The following C1orf159 variants were observed in gnomAD, a reference collection of about 807,000 sequenced individuals.
The protein encoded by C1orf159 is chromosome 1 open reading frame 159.
A neutral mutation model predicts 25.6 loss-of-function variants in C1orf159; 19 were observed. That is an observed-to-expected ratio of 0.74 (90% CI 0.52 to 1.09). The LOEUF (loss-of-function observed/expected upper bound fraction) is 1.09. Ranked by LOEUF, C1orf159 falls within the 50% of genes least tolerant of loss-of-function variation. The pLI is 0.00. For synonymous variants in C1orf159, 139 were observed against 124.7 expected, an observed-to-expected ratio of 1.12 and a Z score of -0.77; for missense variants, 274 against 290.6, an observed-to-expected ratio of 0.94 and a Z score of 0.42.
chr1:1,087,483 G>GGGAGCCGGGC lies in C1orf159; in HGVS notation c.244+9_244+18dup. 1 of 1,539,016 alleles carries GGGAGCCGGGC rather than the reference G, an allele frequency of 6.5e-7. No individual in the cohort carries two copies. Among genetic ancestry groups the GGGAGCCGGGC allele is most frequent in the African/African-American group, 1.4e-5 (1 of 72,830 alleles). On this transcript the variant is annotated intron_variant, in intron 5 of 9. Transcript: ENST00000421241. This position sits in a 1 kb window ranked among gnomAD's most constrained non-coding sequence, Gnocchi z 8.3. ...CTGGAGCTGTGAGAAGGGAGCCGGG[G>GGGAGCCGGGC]GGAGCCGGGCAGACCTACAGCTTCT...
chr1:1,102,115 G>A (rs1166657671), intron 1 of C1orf159, among the ~76,000 whole-genome samples: 1 of 150,322 alleles, frequency 6.7e-6, no homozygotes, highest in Non-Finnish European at 1.5e-5. Context: ...TGAAGTGATG[G>A]GTCCAGGTGT....
intron 1 of C1orf159, among the ~76,000 whole-genome samples, chr1:1,108,410 T>C (rs1253627887): frequency 9.1e-6 from 1 of 109,380 alleles, no homozygotes; most frequent in Non-Finnish European, 1.8e-5. Context: ...ACAGCCACCA[T>C]GTCTCAGCAG....
At chr1:1,084,626 C>T (rs1645800407) in intron 7 of C1orf159, 120 bp from the exon 8 acceptor site, 5 of 1,316,174 alleles carry the variant, frequency 3.8e-6, no homozygotes, top group Non-Finnish European at 5.2e-6. Flanking sequence ...GTGCGGCGTC[C>T]TCGGAGCAGC....
At position 1,087,861 on chromosome 1, in the gene C1orf159, G is replaced by A. The variant is rs1015643005; in HGVS notation, c.149-264C>T. ...CTCCACGCTGCACTCTCCACGCCGAGCACCCCGGCCCCGAGTACTCCACGC... is the reference window on the plus strand; with the variant it reads ...CTCCACGCTGCACTCTCCACGCCGAACACCCCGGCCCCGAGTACTCCACGC... On this transcript the variant is annotated intron_variant, in intron 4 of 9. Coordinates refer to ENST00000421241, the MANE Select transcript of C1orf159 (RefSeq NM_017891.5). This position sits in a 1 kb window ranked among gnomAD's most constrained non-coding sequence, Gnocchi z 8.3. Among the ~76,000 whole-genome samples, 1 of 149,532 alleles carries A rather than the reference G, an allele frequency of 6.7e-6. No individual in the cohort carries two copies. The highest frequency in any genetic ancestry group is 2.4e-5 in the African/African-American group (1 of 40,834).
chr1:1,115,397 G>A (rs1226550001), intron 1 of C1orf159, among the ~76,000 whole-genome samples: 3 of 152,116 alleles, frequency 2.0e-5, no homozygotes, highest in African/African-American at 2.4e-5. Context: ...CTAGGACACC[G>A]GGGACCGCGC....
At chr1:1,097,777 T>C (rs1175873380) in intron 1 of C1orf159, among the ~76,000 whole-genome samples, 1 of 152,060 alleles carries the variant, frequency 6.6e-6, no homozygotes, top group African/African-American at 2.4e-5. Context: ...TGTCAATCTT[T>C]CCAATCTTTT....
intron 1 of C1orf159, among the ~76,000 whole-genome samples, chr1:1,103,482 A>C (rs1012832345): frequency 6.6e-6 from 1 of 152,230 alleles, no homozygotes; most frequent in African/African-American, 2.4e-5. Flanking sequence ...TCTACTTAGC[A>C]GGCAATTAAT....
chr1:1,093,837 G>A (rs1177908663), intron 1 of C1orf159, among the ~76,000 whole-genome samples: 1 of 152,166 alleles, frequency 6.6e-6, no homozygotes, highest in African/African-American at 2.4e-5. Flanking sequence ...GGAGGTGCAC[G>A]TTTAACTTTC....
intron 8 of C1orf159, 43 bp from the exon 9 acceptor site, chr1:1,084,426 T>G: frequency 6.3e-7 from 1 of 1,583,304 alleles, no homozygotes; most frequent in Non-Finnish European, 8.6e-7. Flanking sequence ...CGGGATGGCC[T>G]GGCACAGGCA....
In C1orf159 at chr1:1,096,859, G is replaced by T. The variant is rs1557428543; in HGVS notation, c.-135-4756C>A. On this transcript the variant is annotated intron_variant, in intron 1 of 9. Coordinates refer to ENST00000421241, the MANE Select transcript of C1orf159 (RefSeq NM_017891.5). ...CCCACCTCAGCCTCCCAAGTAGCTG[G>T]AACACAAGCAAGTGCTGCCACACCT... Among the ~76,000 whole-genome samples the T allele has an allele frequency of 1.3e-5, 2 of 152,146 alleles. 1 individual carries two copies. Among genetic ancestry groups the T allele is most frequent in the South Asian group, 4.1e-4 (2 of 4,828 alleles).
At chr1:1,101,985 T>C (rs192985368) in intron 1 of C1orf159, among the ~76,000 whole-genome samples, 309 of 143,392 alleles carry the variant, frequency 2.2e-3, no homozygotes, top group African/African-American at 7.5e-3. Context: ...GGCAGGAGAA[T>C]CGCTTGAACT....
rs1645754321 is a variant in C1orf159, at chr1:1,082,254, C to T, written c.*639G>A. The stretch of plus-strand genomic sequence containing the variant: ...GAGGACTTTTCTGCACAATGAATTT[C>T]TGCTTAAAAACAGAGATCAAGAGGA... On this transcript the variant is annotated 3_prime_UTR_variant, in exon 10 of 10. Transcript: ENST00000421241. 6.5e-6 allele frequency: 1 copy of T among 153,794 alleles called. No homozygotes were observed. The allele number at this position is 153,794 out of a possible 1,614,324, so 9.5% of individuals were successfully genotyped here. A position where few individuals can be genotyped will look rare whatever the true frequency, so the allele number is the denominator to read the frequency against.
Position 1,109,216 on chromosome 1 carries a change from A to G in C1orf159, c.-136+6844T>C, listed in dbSNP as rs140140398. ...CTACAGTCCTGAAAAGAAATTTTGG[A>G]CGCATGCTACAACAGGAATGAACCT... On this transcript the variant is annotated intron_variant, in intron 1 of 9. Coordinates refer to ENST00000421241, the MANE Select transcript of C1orf159 (RefSeq NM_017891.5). 6.3e-3 allele frequency among the ~76,000 whole-genome samples: 957 copies of G among 152,358 alleles called. 4 individuals carry two copies. The highest frequency in any genetic ancestry group is 0.011 in the Non-Finnish European group (731 of 68,034).
chr1:1,107,445 A>G (rs539976704), intron 1 of C1orf159, among the ~76,000 whole-genome samples: 1 of 152,312 alleles, frequency 6.6e-6, no homozygotes, highest in African/African-American at 2.4e-5. Flanking sequence ...AAACGCACCA[A>G]TCAGCACCTT....
chr1:1,105,805 G>A (rs2100770389), intron 1 of C1orf159, among the ~76,000 whole-genome samples: 1 of 152,276 alleles, frequency 6.6e-6, no homozygotes, highest in East Asian at 1.9e-4. Context: ...ACCTGGGAAG[G>A]TGGAGCTTGC....
At position 1,089,989 on chromosome 1, in the gene C1orf159, C is replaced by T. The variant is rs1000223283; in HGVS notation, c.148+364G>A. ...AGCAGCACCTCTGCCCGAGCACGGACAGGCAAAAATGTCTTGGGCTTTGCC... is the reference window on the plus strand; with the variant it reads ...AGCAGCACCTCTGCCCGAGCACGGATAGGCAAAAATGTCTTGGGCTTTGCC... On this transcript the variant is annotated intron_variant, in intron 4 of 9. Transcript: ENST00000421241. This position sits in a 1 kb window ranked among gnomAD's most constrained non-coding sequence, Gnocchi z 7.5. Among the ~76,000 whole-genome samples, 1 of 152,360 alleles carries T rather than the reference C, an allele frequency of 6.6e-6. No individual in the cohort carries two copies. Among genetic ancestry groups the T allele is most frequent in the African/African-American group, 2.4e-5 (1 of 41,580 alleles).
At chr1:1,088,605 C>T (rs991168196) in intron 4 of C1orf159, among the ~76,000 whole-genome samples, 3 of 151,690 alleles carry the variant, frequency 2.0e-5, no homozygotes, top group Non-Finnish European at 4.4e-5. Context: ...CCGGCCAGGG[C>T]GCCTTTAAGG....
intron 1 of C1orf159, among the ~76,000 whole-genome samples, chr1:1,109,571 A>C (rs1339247018): frequency 6.7e-6 from 1 of 148,436 alleles, no homozygotes; most frequent in Non-Finnish European, 1.5e-5. Flanking sequence ...GGCTCAAGCA[A>C]CTCTCCCGCC....
At chr1:1,096,921 G>A (rs991401631) in intron 1 of C1orf159, among the ~76,000 whole-genome samples, 1 of 151,934 alleles carries the variant, frequency 6.6e-6, no homozygotes, top group Admixed American at 6.6e-5. Flanking sequence ...ACAGGGTCTC[G>A]CTATGAAACA....
Sources: allele counts gnomAD v4.1 joint callset (sites outside exome capture counted in the v4.1 genomes callset), GRCh38; gene constraint gnomAD v4.1.1; non-coding constraint Gnocchi (gnomAD v3.1); transcripts MANE v1.5; gene names NCBI Gene and HGNC (gene_info 2026-07-23, HGNC 2026-07-21).